Variants in ATG7 observed in about 807,000 individuals in gnomAD.
The protein encoded by ATG7 is ubiquitin-like modifier-activating enzyme ATG7.
A neutral mutation model predicts 82.4 loss-of-function variants in ATG7; 70 were observed. That is an observed-to-expected ratio of 0.85 (90% CI 0.70 to 1.04). ATG7 has a LOEUF of 1.04. Among genes scored for constraint, ATG7 ranks in the 50% least tolerant of loss-of-function variants. The pLI is 0.00. For synonymous variants in ATG7, 287 were observed against 313.0 expected, an observed-to-expected ratio of 0.92 and a Z score of 0.88; for missense variants, 792 against 864.3, an observed-to-expected ratio of 0.92 and a Z score of 1.05.
At position 11,310,863 on chromosome 3, in the gene ATG7, A is replaced by G. The variant is rs866669805; in HGVS notation, c.411+1802A>G. 3.3e-4 allele frequency among the ~76,000 whole-genome samples: 50 copies of G among 152,126 alleles called. 2 individuals are homozygous for G. The Middle Eastern group carries it at 0.02, about 62-fold the overall frequency. On this transcript the variant is annotated intron_variant, in intron 7 of 20. Coordinates refer to ENST00000693202, the MANE Select transcript of ATG7 (RefSeq NM_001349232.2). ...TAGCCAGGATGGTCTTGATCTCCTGACCTCGTGATCCGCCCGCCTCGGCCT... is the reference window on the plus strand; with the variant it reads ...TAGCCAGGATGGTCTTGATCTCCTGGCCTCGTGATCCGCCCGCCTCGGCCT...
In ATG7 at chr3:11,476,856, C is replaced by T. The variant is rs80124235; in HGVS notation, c.2079+49930C>T. On this transcript the variant is annotated intron_variant, in intron 20 of 20. Transcript: ENST00000693202. ...GTAGTAACTTTTGATCAAAACATGA[C>T]TCCACTCCCTTGTTTAATGTTGAGC... Among the ~76,000 whole-genome samples the T allele has an allele frequency of 2.4e-3, 370 of 152,262 alleles. 9 individuals carry two copies. In the East Asian group the frequency reaches 0.058, roughly 24 times the overall value.
intron 19 of ATG7, among the ~76,000 whole-genome samples, chr3:11,387,194 G>A (rs185649058): frequency 1.9e-4 from 29 of 152,316 alleles, no homozygotes; most frequent in African/African-American, 5.5e-4. Flanking sequence ...TATAATGGGA[G>A]GGATTGAATC....
the ATG7 span, among the ~76,000 whole-genome samples, chr3:11,566,250 A>G: frequency 9.8e-5 from 15 of 152,306 alleles, no homozygotes; most frequent in African/African-American, 3.1e-4. Flanking sequence ...CACGCATGTG[A>G]TAGGCGTACC....
chr3:11,560,381 G>T (rs541805868), downstream of ATG7, among the ~76,000 whole-genome samples: 10 of 152,282 alleles, frequency 6.6e-5, no homozygotes, highest in East Asian at 1.9e-3. Context: ...GAGTATGTGG[G>T]CTAAGTTCCA....
chr3:11,278,701 G>A (rs2152630815), intron 1 of ATG7, among the ~76,000 whole-genome samples: 1 of 152,338 alleles, frequency 6.6e-6, no homozygotes, highest in Middle Eastern at 3.4e-3. Context: ...GCACCTATGA[G>A]GTGCTAAGTC....
At chr3:11,377,930 A>G (rs758520085) in intron 18 of ATG7, among the ~76,000 whole-genome samples, 2 of 151,850 alleles carry the variant, frequency 1.3e-5, no homozygotes, top group African/African-American at 4.8e-5. Context: ...GTCATGGATT[A>G]TGAAATGGTT....
the ATG7 span, among the ~76,000 whole-genome samples, chr3:11,569,497 A>C: frequency 6.6e-6 from 1 of 152,240 alleles, no homozygotes; most frequent in African/African-American, 2.4e-5. Flanking sequence ...GTTGCCTGGC[A>C]GGAGTAGAAT....
intron 20 of ATG7, among the ~76,000 whole-genome samples, chr3:11,540,917 A>AG (rs370091619): frequency 0.14 from 10,324 of 73,922 alleles, 928 homozygotes; most frequent in African/African-American, 0.29. Flanking sequence ...TGGGGGGGGG[A>AG]GGGGGGGAGT....
intron 9 of ATG7, among the ~76,000 whole-genome samples, chr3:11,323,813 T>G (rs946947440): frequency 1.3e-5 from 2 of 152,238 alleles, no homozygotes; most frequent in Non-Finnish European, 2.9e-5. Context: ...TTGAAGTGCA[T>G]TAGGTATTTC....
chr3:11,564,850 C>A, the ATG7 span: 1 of 1,604,892 alleles, frequency 6.2e-7, no homozygotes, highest in Non-Finnish European at 8.5e-7. Flanking sequence ...GGCCTGCTGG[C>A]GTCCAGGCTG....
At chr3:11,299,266 G>T (rs1946419120) in intron 4 of ATG7, 96 bp from the exon 5 acceptor site, 4 of 1,263,442 alleles carry the variant, frequency 3.2e-6, no homozygotes, top group Admixed American at 1.7e-5. Flanking sequence ...GGCGCCTTGG[G>T]CTCAACAAAG....
intron 20 of ATG7, among the ~76,000 whole-genome samples, chr3:11,534,809 A>G (rs2092759257): frequency 6.6e-6 from 1 of 152,212 alleles, no homozygotes; most frequent in Non-Finnish European, 1.5e-5. Context: ...TTGGGACTGC[A>G]CAGCACCCCT....
downstream of ATG7, among the ~76,000 whole-genome samples, chr3:11,561,449 A>G (rs1309210721): frequency 6.6e-6 from 1 of 152,148 alleles, no homozygotes; most frequent in Non-Finnish European, 1.5e-5. Flanking sequence ...GCAGATGTGA[A>G]GATGTTCAGT....
At chr3:11,283,674 C>T (rs368317547) in intron 3 of ATG7, among the ~76,000 whole-genome samples, 14 of 152,108 alleles carry the variant, frequency 9.2e-5, no homozygotes, top group South Asian at 8.3e-4. Flanking sequence ...TGGTGGCTCA[C>T]GCCTAGTAAT....
chr3:11,521,527 T>G (rs2092441828), intron 20 of ATG7, among the ~76,000 whole-genome samples: 1 of 149,714 alleles, frequency 6.7e-6, no homozygotes, highest in Non-Finnish European at 1.5e-5. Flanking sequence ...GGGAGCAGCA[T>G]GGCCTGGCCA....
intron 15 of ATG7, among the ~76,000 whole-genome samples, chr3:11,359,090 T>A (rs923651207): frequency 7.2e-5 from 11 of 152,186 alleles, no homozygotes; most frequent in Middle Eastern, 3.2e-3. Flanking sequence ...ATATATTTTA[T>A]ACCAATTATG....
chr3:11,411,750 G>C (rs1200775799), intron 19 of ATG7, among the ~76,000 whole-genome samples: 1 of 138,798 alleles, frequency 7.2e-6, no homozygotes, highest in African/African-American at 2.7e-5. Flanking sequence ...TATTTTTTTT[G>C]TTTCCTGTGC....
intron 9 of ATG7, among the ~76,000 whole-genome samples, chr3:11,324,854 T>C (rs1406829765): frequency 1.3e-5 from 2 of 152,134 alleles, no homozygotes; most frequent in East Asian, 3.8e-4. Context: ...CCCTTTCTTT[T>C]CTTTGCCAGT....
intron 19 of ATG7, among the ~76,000 whole-genome samples, chr3:11,405,600 TA>T (rs2152903832): frequency 6.6e-6 from 1 of 152,200 alleles, no homozygotes; most frequent in South Asian, 2.1e-4. Context: ...ATTTTACAAG[TA>T]GTAAGTATGT....
Sources: gnomAD v4.1 joint callset for allele counts (sites outside exome capture counted in the v4.1 genomes callset) on GRCh38, gnomAD v4.1.1 for gene constraint, MANE v1.5 for transcripts, NCBI Gene and HGNC (gene_info 2026-07-23, HGNC 2026-07-21) for gene names.